PCDHA5: variants seen among roughly 807,000 people sequenced by gnomAD.
PCDHA5 encodes protocadherin alpha-5.
A neutral mutation model predicts 61.6 loss-of-function variants in PCDHA5; 43 were observed. The observed-to-expected ratio is 0.70, with a 90% confidence interval of 0.55 to 0.90. The LOEUF (loss-of-function observed/expected upper bound fraction) is 0.90. PCDHA5 is among the 40% of genes least tolerant of loss of function. The pLI is 0.00. For missense variants in PCDHA5, 1,298 were observed against 1,222.7 expected (o/e 1.06, Z -0.92); for synonymous variants, 627 against 543.9 (o/e 1.15, Z -2.13).
intron 1 of PCDHA5, among the ~76,000 whole-genome samples, chr5:140,944,988 G>A (rs1554216650): frequency 6.6e-6 from 1 of 152,048 alleles, no homozygotes; most frequent in Non-Finnish European, 1.5e-5. Flanking sequence ...GTCTACTTCT[G>A]TAACGGTTGT....
Position 140,857,539 on chromosome 5 carries a change from G to A in PCDHA5, c.2352+33412G>A, listed in dbSNP as rs782469087. The A allele has an allele frequency of 1.3e-5, 20 of 1,597,384 alleles. 1 individual carries two copies. Among genetic ancestry groups the A allele is most frequent in the Non-Finnish European group, 1.7e-5 (20 of 1,167,720 alleles). ...TGTCCTACTCTCTGGTGGAGCGGCG[G>A]TTGGGCGAGCGCTCGCTGTCGAGCT... On this transcript the variant is annotated intron_variant, in intron 1 of 3. Coordinates refer to ENST00000529859, the MANE Select transcript of PCDHA5 (RefSeq NM_018908.3).
At chr5:140,935,358 A>C (rs2090329846) in intron 1 of PCDHA5, among the ~76,000 whole-genome samples, 1 of 152,220 alleles carries the variant, frequency 6.6e-6, no homozygotes, top group East Asian at 1.9e-4. Context: ...CCCAGTTTTC[A>C]TTAACGTCAA....
chr5:140,828,989 G>C, intron 1 of PCDHA5: 1 of 1,613,984 alleles, frequency 6.2e-7, no homozygotes, highest in South Asian at 1.1e-5. Context: ...TCGAAATACG[G>C]GAGAAATAGT....
rs1379948594 is a variant in PCDHA5, at chr5:140,982,575, G to A, written c.2500+12G>A. ...CAGTGCAACACCAGGTAAAGAGCTGGGGTCTCTCCATTCTTTCTTGGTTTC... is the reference window on the plus strand; with the variant it reads ...CAGTGCAACACCAGGTAAAGAGCTGAGGTCTCTCCATTCTTTCTTGGTTTC... On this transcript the variant is annotated intron_variant, in intron 3 of 3. Coordinates refer to ENST00000529859, the MANE Select transcript of PCDHA5 (RefSeq NM_018908.3). The A allele has an allele frequency of 6.2e-7, 1 of 1,613,444 alleles. No homozygotes were observed. The highest frequency in any genetic ancestry group is 8.5e-7 in the Non-Finnish European group (1 of 1,179,518).
chr5:140,980,819 A>C (rs1178317133), intron 2 of PCDHA5, among the ~76,000 whole-genome samples: 1 of 152,216 alleles, frequency 6.6e-6, no homozygotes, highest in East Asian at 1.9e-4. Context: ...TGAACATATT[A>C]AATGAGTTGT....
chr5:141,001,130 T>C (rs1233424080), intron 3 of PCDHA5, among the ~76,000 whole-genome samples: 1 of 152,036 alleles, frequency 6.6e-6, no homozygotes, highest in African/African-American at 2.4e-5. Context: ...CTTAAACAAA[T>C]GAATCTTCTG....
At chr5:140,944,995 T>A (rs246062) in intron 1 of PCDHA5, among the ~76,000 whole-genome samples, 85,717 of 151,900 alleles carry the variant, frequency 0.56, 24,795 homozygotes, top group African/African-American at 0.69. Flanking sequence ...TCTGTAACGG[T>A]TGTGGGTCAT....
intron 1 of PCDHA5, among the ~76,000 whole-genome samples, chr5:140,915,164 G>T (rs782783727): frequency 2.6e-5 from 4 of 152,026 alleles, no homozygotes; most frequent in Non-Finnish European, 4.4e-5. Flanking sequence ...GGCCAGGATA[G>T]TCTCGATCTC....
chr5:140,966,539 T>TCGGAGGCGAG (rs2096018089), intron 1 of PCDHA5: 1 of 462,064 alleles, frequency 2.2e-6, no homozygotes, highest in Non-Finnish European at 3.7e-6. Flanking sequence ...GTTGAGCGAC[T>TCGGAGGCGAG]CGGAGGCGAG....
Position 140,822,163 on chromosome 5 carries a change from C to A in PCDHA5, c.388C>A (p.Pro130Thr). 1 of 1,614,250 alleles carries A rather than the reference C, an allele frequency of 6.2e-7. No individual in the cohort carries two copies. The highest frequency in any genetic ancestry group is 2.2e-5 in the East Asian group (1 of 44,890). The change falls in exon 1 of 4, where the codon CCC becomes ACC. Residue 130 changes from proline (P) to threonine (T), a missense_variant. Pro to Thr is a conservative substitution (Grantham distance 38). Coordinates refer to ENST00000529859, the MANE Select transcript of PCDHA5 (RefSeq NM_018908.3). ...AGTGAAGGACATCAATGACAATCCG[C>A]CCAGGTTCTCCAGACAAGAACAAAG... ...VAVKDINDNP[P>T]RFSRQEQRLF...
intron 1 of PCDHA5, among the ~76,000 whole-genome samples, chr5:140,973,691 T>C (rs1420618979): frequency 6.6e-6 from 1 of 152,224 alleles, no homozygotes; most frequent in Non-Finnish European, 1.5e-5. Context: ...GGCCTACTGT[T>C]TCCTTCTGAC....
intron 1 of PCDHA5, among the ~76,000 whole-genome samples, chr5:140,917,223 C>T (rs1351907671): frequency 2.0e-5 from 3 of 150,934 alleles, no homozygotes; most frequent in African/African-American, 4.9e-5. Flanking sequence ...TTTAGTGATA[C>T]GTTGTTAAAT....
intron 1 of PCDHA5, chr5:140,857,403 C>T (rs782020024): frequency 1.3e-6 from 2 of 1,598,418 alleles, no homozygotes; most frequent in African/African-American, 2.7e-5. Flanking sequence ...GACAACGCGC[C>T]TGCGTTCGCG....
chr5:140,875,176 A>G, intron 1 of PCDHA5: 1 of 397,444 alleles, frequency 2.5e-6, no homozygotes, highest in Non-Finnish European at 4.2e-6. Context: ...TCGAAACATT[A>G]GAATTAAGAG....
chr5:140,961,672 A>T (rs1463428757), intron 1 of PCDHA5, among the ~76,000 whole-genome samples: 2 of 152,182 alleles, frequency 1.3e-5, no homozygotes, highest in East Asian at 3.8e-4. Flanking sequence ...ACCAGTTTTT[A>T]ATTAAGCCGG....
chr5:140,957,541 A>C (rs2153713960), intron 1 of PCDHA5, among the ~76,000 whole-genome samples: 1 of 152,298 alleles, frequency 6.6e-6, no homozygotes, highest in South Asian at 2.1e-4. Flanking sequence ...GATCTTAGAA[A>C]GTATTCTCTG....
intron 1 of PCDHA5, chr5:140,842,474 G>C: frequency 6.2e-7 from 1 of 1,613,946 alleles, no homozygotes; most frequent in Middle Eastern, 1.6e-4. Flanking sequence ...CAACGGGCAG[G>C]TGACCTGCTC....
rs75377875 is a variant in PCDHA5 at position 140,902,598 on chromosome 5, C to T, written c.2353-76351C>T. The stretch of plus-strand genomic sequence containing the variant: ...ATTTCAATAGTTTTGGGAAACAGGT[C>T]GTTTTCAGTTACATGGGTAAGTTAT... On this transcript the variant is annotated intron_variant, in intron 1 of 3. Coordinates refer to ENST00000529859, the MANE Select transcript of PCDHA5 (RefSeq NM_018908.3). Among the ~76,000 whole-genome samples, 274 of 152,044 alleles carry T rather than the reference C, an allele frequency of 1.8e-3. 4 individuals are homozygous for T. In the East Asian group the frequency reaches 0.048, roughly 27 times the overall value.
rs782003848 is a variant in PCDHA5 at position 140,929,358 on chromosome 5, G to GC, written c.2353-49588dup. The GC allele has an allele frequency of 3.9e-6, 6 of 1,522,886 alleles. No homozygotes were observed. The South Asian group carries it at 5.3e-5, about 13-fold the overall frequency. 94.3% of individuals were successfully genotyped at this position (1,522,886 alleles called of 1,614,324 possible). A position where few individuals can be genotyped will look rare whatever the true frequency, so the allele number is the denominator to read the frequency against. Reference sequence around the variant, plus strand: ...AATTTTATGGAATTTGATTCCTTTGGCCCGGAGATGGCTGCTAGCTGTGTT... The same window carrying GC: ...AATTTTATGGAATTTGATTCCTTTGGCCCCGGAGATGGCTGCTAGCTGTGTT... On this transcript the variant is annotated intron_variant, in intron 1 of 3. Coordinates refer to ENST00000529859, the MANE Select transcript of PCDHA5 (RefSeq NM_018908.3).
Sources: allele counts gnomAD v4.1 joint callset (sites outside exome capture counted in the v4.1 genomes callset), GRCh38; gene constraint gnomAD v4.1.1; transcripts MANE v1.5; gene names NCBI Gene and HGNC (gene_info 2026-07-23, HGNC 2026-07-21).